Variants in SEZ6 observed in about 807,000 individuals in gnomAD.
SEZ6 encodes the protein seizure protein 6 homolog.
SEZ6 carries 53 observed loss-of-function variants against 101.0 expected under a neutral mutation model. That is an observed-to-expected ratio of 0.52 (90% CI 0.42 to 0.66). The LOEUF (loss-of-function observed/expected upper bound fraction) is 0.66, where lower values mean the gene tolerates loss of function less well. Among genes scored for constraint, SEZ6 ranks in the 30% least tolerant of loss-of-function variants. The pLI is 0.00. For missense variants in SEZ6, 1,102 were observed against 1,289.4 expected, an observed-to-expected ratio of 0.85 and a Z score of 2.23; for synonymous variants, 488 against 512.2, an observed-to-expected ratio of 0.95 and a Z score of 0.64.
At position 28,958,062 on chromosome 17, in the gene SEZ6, C is replaced by G; in HGVS notation, c.2187G>C (p.Val729=). The change falls in exon 11 of 17, where the codon GTG becomes GTC. Residue 729 remains valine (V), a synonymous_variant. Coordinates refer to ENST00000317338, the MANE Select transcript of SEZ6 (RefSeq NM_178860.5). ...ACTGGTAAGTGACCACGGTGCCGTGCACTAGCTCAGGCTGCGATGGGCTCT... is the reference window on the plus strand; with the variant it reads ...ACTGGTAAGTGACCACGGTGCCGTGGACTAGCTCAGGCTGCGATGGGCTCT... The part of the protein sequence containing the change: ...GWKSPSQPEL[V]HGTVVTYQCY... 6.2e-7 allele frequency: 1 copy of G among 1,613,508 alleles called. No homozygotes were observed. Among genetic ancestry groups the G allele is most frequent in the Non-Finnish European group, 8.5e-7 (1 of 1,179,502 alleles).
chr17:28,974,893 CT>C (rs1212028392), intron 3 of SEZ6, among the ~76,000 whole-genome samples: 1 of 152,210 alleles, frequency 6.6e-6, no homozygotes. Flanking sequence ...AGAACAGGGG[CT>C]TTTGAGTCTT....
In SEZ6 at chr17:28,959,951, A is replaced by G; in HGVS notation, c.1577-59T>C. On this transcript the variant is annotated intron_variant, in intron 7 of 16. Coordinates refer to ENST00000317338, the MANE Select transcript of SEZ6 (RefSeq NM_178860.5). This position sits in a 1 kb window ranked among gnomAD's most constrained non-coding sequence, Gnocchi z 4.4. The stretch of plus-strand genomic sequence containing the variant: ...TGACTGGTATTAAACACAGTGGGCA[A>G]GCATCCCCCTACTTCCCTCCCCAGA... The G allele has an allele frequency of 6.5e-6, 10 of 1,529,926 alleles. No individual in the cohort carries two copies. In the South Asian group the frequency reaches 1.2e-4, roughly 18 times the overall value. The allele number at this position is 1,529,926 out of a possible 1,614,324, so 94.8% of individuals were successfully genotyped here.
chr17:28,997,753 G>A (rs1446129927), intron 1 of SEZ6, among the ~76,000 whole-genome samples: 2 of 152,112 alleles, frequency 1.3e-5, no homozygotes, highest in Non-Finnish European at 2.9e-5. Flanking sequence ...CTACAAAAGA[G>A]GTGGGGCAGG....
chr17:28,960,463 C>T (rs865891302), intron 7 of SEZ6, 42 bp downstream of exon 7: 1 of 1,563,708 alleles, frequency 6.4e-7, no homozygotes, highest in African/African-American at 1.4e-5. Flanking sequence ...CGAGCCCATC[C>T]CCGTGGACCC....
chr17:28,958,250 G>T, intron 10 of SEZ6, 109 bp from the exon 11 acceptor site: 1 of 1,329,738 alleles, frequency 7.5e-7, no homozygotes, highest in Non-Finnish European at 1.0e-6. Context: ...GACCTAGACT[G>T]TCCTGGGCGG....
intron 10 of SEZ6, among the ~76,000 whole-genome samples, chr17:28,958,651 G>A (rs539125337): frequency 2.0e-4 from 30 of 152,224 alleles, no homozygotes; most frequent in Non-Finnish European, 2.6e-4. Flanking sequence ...TTAGCCAGGC[G>A]TGGTGGCATG....
At chr17:28,974,462 T>C (rs2041195309) in intron 3 of SEZ6, among the ~76,000 whole-genome samples, 1 of 152,206 alleles carries the variant, frequency 6.6e-6, no homozygotes, top group African/African-American at 2.4e-5. Context: ...ACAGCAACCA[T>C]AGGATAATCA....
chr17:28,958,123 G>C lies in SEZ6; in HGVS notation c.2126C>G (p.Thr709Arg). Residue 709 changes from threonine (T) to arginine (R), a missense_variant, in exon 11 of 17, where the codon ACA becomes AGA. This residue lies in a region of SEZ6 where 556 missense variants were observed against 735.1 expected (regional missense o/e 0.76). Transcript: ENST00000317338. ...GGGGATCTCAGGCAGCTCCGGACAT[G>C]TGTCATTGCGGGGCACCTCTGGGGG... ...IHFFEVPRND[T>R]CPELPEIPNG... 1 of 1,596,852 alleles carries C rather than the reference G, an allele frequency of 6.3e-7. No homozygotes were observed. Among genetic ancestry groups the C allele is most frequent in the Admixed American group, 1.7e-5 (1 of 59,746 alleles).
chr17:28,999,309 T>TC (rs1160865342), intron 1 of SEZ6, among the ~76,000 whole-genome samples: 2 of 152,146 alleles, frequency 1.3e-5, no homozygotes, highest in East Asian at 3.9e-4. Flanking sequence ...GGTCTAGGAT[T>TC]CACCCTAGCA....
rs554573459 is a variant in SEZ6 at position 28,987,387 on chromosome 17, T to C, written c.56-5348A>G. ...GCCCTCTGTACTGTGAGGCCCCAGCTAGAGGCTGGCAGGGCTATATAGGGC... is the reference window on the plus strand; with the variant it reads ...GCCCTCTGTACTGTGAGGCCCCAGCCAGAGGCTGGCAGGGCTATATAGGGC... On this transcript the variant is annotated intron_variant, in intron 1 of 16. Coordinates refer to ENST00000317338, the MANE Select transcript of SEZ6 (RefSeq NM_178860.5). Among the ~76,000 whole-genome samples, 6 of 152,290 alleles carry C rather than the reference T, an allele frequency of 3.9e-5. No homozygotes were observed. The South Asian group carries it at 1.2e-3, about 32-fold the overall frequency.
chr17:28,977,353 G>T (rs758532024), intron 3 of SEZ6, among the ~76,000 whole-genome samples: 1 of 152,228 alleles, frequency 6.6e-6, no homozygotes, highest in Non-Finnish European at 1.5e-5. Context: ...TCCCCTCCAT[G>T]ACTTCAGACT....
At chr17:28,956,985 A>G (rs1041182931) in intron 13 of SEZ6, 60 bp downstream of exon 13, 121 of 1,487,138 alleles carry the variant, frequency 8.1e-5, no homozygotes, top group Non-Finnish European at 1.1e-4. Flanking sequence ...AACATTGGAC[A>G]TCTTTGCCAG....
At chr17:28,989,865 C>T (rs1189190122) in intron 1 of SEZ6, among the ~76,000 whole-genome samples, 7 of 152,130 alleles carry the variant, frequency 4.6e-5, no homozygotes, top group East Asian at 1.9e-4. Context: ...GTCAGGAGTT[C>T]GAGACCAGCC....
At chr17:28,996,945 G>A (rs1481598774) in intron 1 of SEZ6, among the ~76,000 whole-genome samples, 3 of 152,196 alleles carry the variant, frequency 2.0e-5, no homozygotes, top group Non-Finnish European at 4.4e-5. Flanking sequence ...GCAGCTTAGG[G>A]TAGGGAAGGA....
In SEZ6 at chr17:28,957,078, G is replaced by T. The variant is rs1240833217; in HGVS notation, c.2659C>A (p.His887Asn). ...CAGATGGGTGGGGGGTCACTCCAAT[G>T]CGAGGGGTGCCCAGGCACACACTTG... The part of the protein sequence containing the change: ...SIKCVPGHPS[H>N]WSDPPPICRA... The change falls in exon 13 of 17, where the codon CAT becomes AAT. Residue 887 changes from histidine to asparagine, a missense_variant. This residue lies in a region of SEZ6 where 140 missense variants were observed against 135.7 expected (regional missense o/e 1.03). Transcript: ENST00000317338. 1 of 1,607,482 alleles carries T rather than the reference G, an allele frequency of 6.2e-7. No homozygotes were observed. The highest frequency in any genetic ancestry group is 1.1e-5 in the South Asian group (1 of 90,510).
At position 28,961,077 on chromosome 17, in the gene SEZ6, C is replaced by T. The variant is rs141095071; in HGVS notation, c.1241-104G>A. 2.3e-4 allele frequency: 318 copies of T among 1,408,126 alleles called. 2 individuals carry two copies. In the East Asian group the frequency reaches 6.4e-3, roughly 28 times the overall value. 87.2% of individuals were successfully genotyped at this position (1,408,126 alleles called of 1,614,324 possible). ...GCCCTATATCCTCTGCTTGGAGCAG[C>T]GGGGACCTTGCCTCCCTGCCATCTT... On this transcript the variant is annotated intron_variant, in intron 5 of 16. Coordinates refer to ENST00000317338, the MANE Select transcript of SEZ6 (RefSeq NM_178860.5).
At chr17:28,998,555 C>G (rs2041573907) in intron 1 of SEZ6, among the ~76,000 whole-genome samples, 1 of 152,054 alleles carries the variant, frequency 6.6e-6, no homozygotes, top group Non-Finnish European at 1.5e-5. Context: ...GATGCCTGTC[C>G]TTTTTCCAGC....
chr17:28,983,817 C>T (rs767253481), intron 1 of SEZ6, among the ~76,000 whole-genome samples: 7 of 152,034 alleles, frequency 4.6e-5, no homozygotes, highest in Admixed American at 3.3e-4. Flanking sequence ...TCGCTTCCTC[C>T]GCACGTCTGG....
In SEZ6 at chr17:28,997,897, T is replaced by G. The variant is rs535560531; in HGVS notation, c.55+7918A>C. Among the ~76,000 whole-genome samples the G allele has an allele frequency of 1.5e-3, 224 of 152,196 alleles. 2 individuals carry two copies. The highest frequency in any genetic ancestry group is 5.2e-3 in the African/African-American group (217 of 41,534). ...AGCCTTCTTCCTCTTATGTTCTTCC[T>G]TTAGGACTCCCCCCTCCTCCTTGAG... is the stretch of plus-strand genomic sequence containing the variant. On this transcript the variant is annotated intron_variant, in intron 1 of 16. Coordinates refer to ENST00000317338, the MANE Select transcript of SEZ6 (RefSeq NM_178860.5).
Sources: gnomAD v4.1 joint callset for allele counts (sites outside exome capture counted in the v4.1 genomes callset) on GRCh38, gnomAD v4.1.1 for gene constraint, gnomAD v4.1.1 regional missense constraint, Gnocchi (gnomAD v3.1) non-coding constraint, MANE v1.5 for transcripts, NCBI Gene and HGNC (gene_info 2026-07-23, HGNC 2026-07-21) for gene names.